The following ZFHX3 variants were observed in gnomAD, a reference collection of about 807,000 sequenced individuals.
The protein encoded by ZFHX3 is zinc finger homeobox 3.
Under a neutral mutation model 279.1 loss-of-function variants are expected in ZFHX3, and 42 were observed. The observed-to-expected ratio is 0.15, with a 90% CI of 0.12 to 0.19. The LOEUF (loss-of-function observed/expected upper bound fraction) is 0.19. ZFHX3 is among the 10% of genes least tolerant of loss of function. The pLI is 1.00. For synonymous variants in ZFHX3, 2,293 were observed against 1,957.8 expected, an observed-to-expected ratio of 1.17 and a Z score of -4.52; for missense variants, 4,981 against 4,754.0, an observed-to-expected ratio of 1.05 and a Z score of -1.40.
In ZFHX3 at chr16:73,308,258, TATATATATATATATATA is replaced by T. The variant is rs1567446228; in HGVS notation, c.-1194+9965_-1194+9981del. On this transcript the variant is annotated intron_variant, in intron 4 of 17. Coordinates refer to the ZFHX3 transcript ENST00000641206. ...ATATATATATATATATATATATATA[TATATATATATATATATA>T]TATTTATTTATTTATTTTTGAGACA... Among the ~76,000 whole-genome samples, 54 of 33,678 alleles carry T rather than the reference TATATATATATATATATA, an allele frequency of 1.6e-3. 1 individual carries two copies. The highest frequency in any genetic ancestry group is 2.2e-3 in the Admixed American group (9 of 4,096). 22.1% of individuals were successfully genotyped at this position (33,678 alleles called of 152,430 possible).
chr16:73,031,358 C>A lies in ZFHX3; in HGVS notation c.-50+16394G>T, dbSNP rs1033615415. Among the ~76,000 whole-genome samples the A allele has an allele frequency of 4.6e-5, 7 of 152,090 alleles. 1 individual carries two copies. Among genetic ancestry groups the A allele is most frequent in the Admixed American group, 4.6e-4 (7 of 15,256 alleles). On this transcript the variant is annotated intron_variant, in intron 1 of 9. Coordinates refer to ENST00000268489, the MANE Select transcript of ZFHX3 (RefSeq NM_006885.4). ...AAGGAAGGAAGGACGCAGGAAAACA[C>A]GAAGTTCCCGAGTGTTTCTAGCCAG...
chr16:72,940,955 C>A (rs1731381899), intron 3 of ZFHX3, among the ~76,000 whole-genome samples: 1 of 152,236 alleles, frequency 6.6e-6, no homozygotes, highest in African/African-American at 2.4e-5. Flanking sequence ...GACCTATACA[C>A]CATAGGCACA....
chr16:73,260,926 C>T (rs1246990228), intron 4 of ZFHX3, among the ~76,000 whole-genome samples: 2 of 152,072 alleles, frequency 1.3e-5, no homozygotes, highest in East Asian at 3.9e-4. Flanking sequence ...TCAGGTGATC[C>T]ACCTGCCTTG....
At chr16:73,025,659 C>A (rs962192548) in intron 1 of ZFHX3, among the ~76,000 whole-genome samples, 5 of 152,144 alleles carry the variant, frequency 3.3e-5, no homozygotes, top group African/African-American at 1.2e-4. Flanking sequence ...TGGCATCTGG[C>A]CCCCTGACAC....
At chr16:73,360,656 G>C (rs1048749768) in intron 3 of ZFHX3, among the ~76,000 whole-genome samples, 2 of 152,194 alleles carry the variant, frequency 1.3e-5, no homozygotes, top group Non-Finnish European at 2.9e-5. Context: ...GCCAGGATTT[G>C]AAGCTGGGTA....
At chr16:73,685,860 G>A (rs1419118395) in intron 1 of ZFHX3, among the ~76,000 whole-genome samples, 1 of 152,152 alleles carries the variant, frequency 6.6e-6, no homozygotes, top group Non-Finnish European at 1.5e-5. Flanking sequence ...ATCCAGATAG[G>A]CTGTTCTCTA....
intron 4 of ZFHX3, among the ~76,000 whole-genome samples, chr16:73,261,715 G>A (rs1597249832): frequency 9.5e-6 from 1 of 105,350 alleles, no homozygotes; most frequent in Non-Finnish European, 1.8e-5. Flanking sequence ...CACTCTTGTT[G>A]CCCAGGCTGG....
chr16:73,182,813 C>G (rs1363829223), intron 5 of ZFHX3, among the ~76,000 whole-genome samples: 2 of 144,876 alleles, frequency 1.4e-5, no homozygotes, highest in East Asian at 2.1e-4. Context: ...CATGCTCTCA[C>G]TTCTAAGTGA....
At chr16:73,236,869 T>A (rs2012965663) in intron 5 of ZFHX3, among the ~76,000 whole-genome samples, 1 of 152,144 alleles carries the variant, frequency 6.6e-6, no homozygotes, top group African/African-American at 2.4e-5. Context: ...TGCCTGTAGT[T>A]TGGAAGAAGC....
intron 2 of ZFHX3, among the ~76,000 whole-genome samples, chr16:73,635,937 T>C (rs1597039454): frequency 6.6e-6 from 1 of 152,254 alleles, no homozygotes; most frequent in South Asian, 2.1e-4. Context: ...CTTCAGGCCT[T>C]AGTGTGTATG....
chr16:73,809,878 T>A (rs1434035001), intron 1 of ZFHX3: 1 of 152,330 alleles, frequency 6.6e-6, no homozygotes, highest in Non-Finnish European at 1.5e-5. Context: ...AAAAATGTCA[T>A]CCCCACCCAG....
intron 3 of ZFHX3, among the ~76,000 whole-genome samples, chr16:73,425,453 G>A (rs977542324): frequency 2.0e-5 from 3 of 152,176 alleles, no homozygotes; most frequent in Non-Finnish European, 4.4e-5. Context: ...CTAAGGGCAT[G>A]AAACCTATTT....
intron 3 of ZFHX3, among the ~76,000 whole-genome samples, chr16:73,450,464 A>C: frequency 6.6e-6 from 1 of 152,192 alleles, no homozygotes; most frequent in East Asian, 1.9e-4. Flanking sequence ...TATAAAAAAA[A>C]AGTCATTATT....
At chr16:72,863,001 T>C (rs1448197155) in intron 4 of ZFHX3, among the ~76,000 whole-genome samples, 2 of 152,136 alleles carry the variant, frequency 1.3e-5, no homozygotes, top group African/African-American at 2.4e-5. Context: ...TTCCAGCACT[T>C]TGGGAGGCCA....
intron 1 of ZFHX3, among the ~76,000 whole-genome samples, chr16:73,683,221 T>C (rs1170046690): frequency 6.6e-6 from 1 of 152,190 alleles, no homozygotes; most frequent in Non-Finnish European, 1.5e-5. Flanking sequence ...CTACCACAAG[T>C]CTTGTGAAAT....
chr16:72,848,174 G>A (rs1411405744), intron 4 of ZFHX3, among the ~76,000 whole-genome samples: 1 of 152,162 alleles, frequency 6.6e-6, no homozygotes, highest in East Asian at 1.9e-4. Flanking sequence ...TGGAGGGCAG[G>A]CGCTCAGGCC....
chr16:73,154,248 G>T (rs1027039980), intron 5 of ZFHX3, among the ~76,000 whole-genome samples: 1 of 152,176 alleles, frequency 6.6e-6, no homozygotes, highest in Admixed American at 6.5e-5. Flanking sequence ...CCTTTCTTCG[G>T]TCAATGCACA....
rs532505093 is a variant in ZFHX3 at position 72,950,661 on chromosome 16, G to A, written c.3024C>T (p.His1008=). The A allele has an allele frequency of 6.1e-5, 99 of 1,614,080 alleles. No individual in the cohort carries two copies. The highest frequency in any genetic ancestry group is 1.5e-4 in the South Asian group (14 of 91,092). ...GGGCCACCAGCTGGTACTTCTGCAC[G>A]TGCTTGTCTGTCTTGCAGTGCAGCT... ...NFQLHCKTDK[H]VQKYQLVAHI... Residue 1008 remains histidine (H), a synonymous_variant, in exon 3 of 10, where the codon CAC becomes CAT. Coordinates refer to ENST00000268489, the MANE Select transcript of ZFHX3 (RefSeq NM_006885.4).
intron 3 of ZFHX3, among the ~76,000 whole-genome samples, chr16:73,362,180 C>T (rs1165217289): frequency 2.6e-5 from 4 of 152,194 alleles, no homozygotes; most frequent in African/African-American, 9.6e-5. Context: ...GCTACATTCC[C>T]TACGTAAGGA....
Sources: allele counts gnomAD v4.1 joint callset (sites outside exome capture counted in the v4.1 genomes callset), GRCh38; gene constraint gnomAD v4.1.1; transcripts MANE v1.5; gene names NCBI Gene and HGNC (gene_info 2026-07-23, HGNC 2026-07-21).